The following DNAJB6 variants were observed in gnomAD, a reference collection of about 807,000 sequenced individuals.
DNAJB6 encodes the protein DnaJ heat shock protein family (Hsp40) member B6.
Under a neutral mutation model 42.7 loss-of-function variants are expected in DNAJB6, and 16 were observed. The ratio of observed to expected loss-of-function variants is 0.37; its 90% CI spans 0.25 to 0.57. The LOEUF is 0.57. Ranked by LOEUF, DNAJB6 falls within the 20% of genes least tolerant of loss-of-function variation. The pLI, the probability that DNAJB6 is intolerant of heterozygous loss-of-function variation, is 0.74. For missense variants in DNAJB6, 347 were observed against 416.8 expected, an observed-to-expected ratio of 0.83 and a Z score of 1.46; for synonymous variants, 170 against 163.5, an observed-to-expected ratio of 1.04 and a Z score of -0.30.
intron 9 of DNAJB6, chr7:157,412,219 G>T (rs565306800): frequency 6.6e-6 from 1 of 152,234 alleles, no homozygotes; most frequent in South Asian, 2.1e-4. Context: ...CAGAACTGGA[G>T]TGAAATTGCA....
At chr7:157,364,767 C>G (rs971189242) in intron 3 of DNAJB6, among the ~76,000 whole-genome samples, 2 of 152,152 alleles carry the variant, frequency 1.3e-5, no homozygotes, top group Admixed American at 1.3e-4. Flanking sequence ...ACTGAAAAGT[C>G]GCTTGGTTCT....
At chr7:157,351,626 C>T (rs562752918) in intron 1 of DNAJB6, among the ~76,000 whole-genome samples, 9 of 145,706 alleles carry the variant, frequency 6.2e-5, no homozygotes, top group Admixed American at 3.5e-4. Context: ...TAGTGAGACT[C>T]TGTCTCAAAA....
Position 157,405,672 on chromosome 7 carries a change from G to A in DNAJB6, c.692-4123G>A, listed in dbSNP as rs184899519. On this transcript the variant is annotated intron_variant, in intron 8 of 9. Coordinates refer to ENST00000262177, the MANE Select transcript of DNAJB6 (RefSeq NM_058246.4). ...CAGTCTCCTGGGACCTTGACAGACC[G>A]CACCAGGCCACATCCTGCGCCAATT... Among the ~76,000 whole-genome samples the A allele has an allele frequency of 3.5e-3, 533 of 152,306 alleles. 1 individual carries two copies. The highest frequency in any genetic ancestry group is 0.013 in the South Asian group (63 of 4,822).
At chr7:157,405,040 A>T (rs1323660422) in intron 8 of DNAJB6, among the ~76,000 whole-genome samples, 4 of 152,198 alleles carry the variant, frequency 2.6e-5, no homozygotes, top group African/African-American at 7.2e-5. Flanking sequence ...AATCCTCAGA[A>T]CTGCAGGCAT....
intron 8 of DNAJB6, among the ~76,000 whole-genome samples, chr7:157,402,197 G>T (rs1033102145): frequency 1.3e-5 from 2 of 152,332 alleles, no homozygotes; most frequent in Non-Finnish European, 2.9e-5. Flanking sequence ...CTGGGCCCAC[G>T]TGATCCTCCC....
At chr7:157,371,341 C>T (rs931957314) in intron 5 of DNAJB6, among the ~76,000 whole-genome samples, 2 of 152,228 alleles carry the variant, frequency 1.3e-5, no homozygotes, top group Non-Finnish European at 2.9e-5. Flanking sequence ...TTACATTTAT[C>T]AGAATGCAGA....
At chr7:157,412,296 G>C (rs961236907) in intron 9 of DNAJB6, 4 of 152,308 alleles carry the variant, frequency 2.6e-5, no homozygotes, top group Non-Finnish European at 5.9e-5. Flanking sequence ...GTGTCAGGGT[G>C]CTGGTGGGTG....
intron 2 of DNAJB6, among the ~76,000 whole-genome samples, chr7:157,360,247 GGAAGAA>G (rs1799510500): frequency 2.6e-5 from 4 of 152,204 alleles, no homozygotes; most frequent in African/African-American, 9.6e-5. Flanking sequence ...AAGAGAATGA[GGAAGAA>G]GCAAAAGCGG....
intron 2 of DNAJB6, among the ~76,000 whole-genome samples, chr7:157,358,955 G>C (rs1799443482): frequency 1.3e-5 from 2 of 152,198 alleles, no homozygotes; most frequent in Admixed American, 1.3e-4. Flanking sequence ...CCCTTTGGAA[G>C]GCAGGGGCCC....
chr7:157,353,589 GT>G (rs1319904068), intron 1 of DNAJB6, among the ~76,000 whole-genome samples: 58 of 108,922 alleles, frequency 5.3e-4, no homozygotes, highest in African/African-American at 2.7e-3. Flanking sequence ...TGACCGGGGT[GT>G]GTGTGTGTGT....
chr7:157,401,492 T>G (rs1349419987), intron 8 of DNAJB6, among the ~76,000 whole-genome samples: 4 of 152,226 alleles, frequency 2.6e-5, no homozygotes, highest in African/African-American at 9.6e-5. Context: ...ATTACAGGCA[T>G]GAGCCACCGT....
At chr7:157,338,568 A>G (rs1033058610) in intron 1 of DNAJB6, among the ~76,000 whole-genome samples, 4 of 152,162 alleles carry the variant, frequency 2.6e-5, no homozygotes, top group African/African-American at 7.2e-5. Context: ...CTTATGACCT[A>G]AAGTGATCGC....
intron 8 of DNAJB6, among the ~76,000 whole-genome samples, chr7:157,387,500 T>C (rs983708986): frequency 2.6e-5 from 4 of 152,246 alleles, no homozygotes; most frequent in Admixed American, 2.0e-4. Context: ...ATACTTGGAC[T>C]AAGGCGTTTT....
chr7:157,391,812 C>T (rs1013484826), intron 8 of DNAJB6, among the ~76,000 whole-genome samples: 9 of 152,074 alleles, frequency 5.9e-5, no homozygotes, highest in South Asian at 2.1e-4. Flanking sequence ...CATTGAAAAT[C>T]GGTAAGTTAC....
Position 157,417,252 on chromosome 7 carries a change from G to A in DNAJB6, c.*1154G>A, listed in dbSNP as rs891044867. 7 of 152,222 alleles carry A rather than the reference G, an allele frequency of 4.6e-5. No homozygotes were observed. Among genetic ancestry groups the A allele is most frequent in the African/African-American group, 1.7e-4 (7 of 41,456 alleles). 9.4% of individuals were successfully genotyped at this position (152,222 alleles called of 1,614,324 possible). ...ATCCATGTAGCAGTGACCCAGGCTT[G>A]GGAGCCAGAAACAAGTGTGACCTGG... On this transcript the variant is annotated 3_prime_UTR_variant, in exon 10 of 10. Coordinates refer to ENST00000262177, the MANE Select transcript of DNAJB6 (RefSeq NM_058246.4).
chr7:157,337,460 G>C (rs1798102535), intron 1 of DNAJB6: 2 of 152,504 alleles, frequency 1.3e-5, no homozygotes, highest in South Asian at 3.7e-4. Flanking sequence ...CGGCCTGGGA[G>C]CGGCCGGCTG....
chr7:157,387,782 T>A (rs768806103), intron 8 of DNAJB6, among the ~76,000 whole-genome samples: 12 of 151,348 alleles, frequency 7.9e-5, no homozygotes, highest in South Asian at 2.1e-4. Flanking sequence ...CTTGTGAAAA[T>A]TTTTTTTTGA....
rs1347168619 is a variant in DNAJB6 at position 157,416,011 on chromosome 7, C to T, written c.899-5C>T. The T allele has an allele frequency of 1.9e-6, 3 of 1,614,026 alleles. No homozygotes were observed. The African/African-American group carries it at 4.0e-5, about 22-fold the overall frequency. On this transcript the variant is annotated splice_region_variant and splice_polypyrimidine_tract_variant and intron_variant, in intron 9 of 9. Transcript: ENST00000262177. ...TACAGTGTTTTACAAGCCGTGTTTCCTTAGGATTGAAAGAAGGTGGCAAGA... is the reference window on the plus strand; with the variant it reads ...TACAGTGTTTTACAAGCCGTGTTTCTTTAGGATTGAAAGAAGGTGGCAAGA...
chr7:157,368,035 G>A (rs915521691), intron 5 of DNAJB6, among the ~76,000 whole-genome samples: 2 of 152,130 alleles, frequency 1.3e-5, no homozygotes, highest in Admixed American at 1.3e-4. Context: ...AGGCTGAGGT[G>A]GGAGGATTTC....
Sources: allele counts gnomAD v4.1 joint callset (sites outside exome capture counted in the v4.1 genomes callset), GRCh38; gene constraint gnomAD v4.1.1; transcripts MANE v1.5; gene names NCBI Gene and HGNC (gene_info 2026-07-23, HGNC 2026-07-21).